CDK12: variants seen among roughly 807,000 people sequenced by gnomAD.
CDK12 encodes the protein cyclin dependent kinase 12, also known as cyclin-dependent kinase 12.
Under a neutral mutation model 133.8 loss-of-function variants are expected in CDK12, and 17 were observed. The ratio of observed to expected loss-of-function variants is 0.13; its 90% confidence interval spans 0.09 to 0.19. The LOEUF (loss-of-function observed/expected upper bound fraction) is 0.19, where lower values mean the gene tolerates loss of function less well. Ranked by LOEUF, CDK12 falls within the 10% of genes least tolerant of loss-of-function variation. CDK12 has a pLI of 1.00. For missense variants in CDK12, 1,508 were observed against 1,818.7 expected (o/e 0.83, Z 3.11); for synonymous variants, 694 against 683.6 (o/e 1.02, Z -0.24).
At chr17:39,515,057 A>G (rs2053715362) in intron 8 of CDK12, among the ~76,000 whole-genome samples, 1 of 152,108 alleles carries the variant, frequency 6.6e-6, no homozygotes, top group Non-Finnish European at 1.5e-5. Flanking sequence ...TTAAAAATAC[A>G]AAAAAATTAG....
intron 1 of CDK12, among the ~76,000 whole-genome samples, chr17:39,467,016 G>T (rs1252748241): frequency 1.3e-5 from 2 of 151,740 alleles, no homozygotes; most frequent in African/African-American, 2.4e-5. Flanking sequence ...CAGAGTTTCT[G>T]TCGCCAGGCT....
At chr17:39,567,339 A>G (rs1006273763), downstream of CDK12, 22 of 152,204 alleles carry the variant, frequency 1.4e-4, no homozygotes, top group Non-Finnish European at 2.8e-4. Context: ...ATGGTACTAT[A>G]TATCATTCCT....
At chr17:39,488,058 A>G (rs924236898) in intron 2 of CDK12, among the ~76,000 whole-genome samples, 2 of 151,998 alleles carry the variant, frequency 1.3e-5, no homozygotes, top group African/African-American at 4.8e-5. Flanking sequence ...ATATGGCAAG[A>G]CCTTGTCTCT....
At chr17:39,493,030 C>T (rs2051761784) in intron 4 of CDK12, 140 bp downstream of exon 4, 1 of 722,290 alleles carries the variant, frequency 1.4e-6, no homozygotes, top group Non-Finnish European at 2.2e-6. Flanking sequence ...TGGAGTCTTG[C>T]TCCCCAGGCT....
chr17:39,545,589 C>G (rs998320482), upstream of CDK12, among the ~76,000 whole-genome samples: 1 of 150,508 alleles, frequency 6.6e-6, no homozygotes, highest in African/African-American at 2.5e-5. Flanking sequence ...GCCTCTGCCT[C>G]CCAGGTTCAA....
intron 10 of CDK12, among the ~76,000 whole-genome samples, chr17:39,518,880 C>T (rs1280166936): frequency 6.6e-6 from 1 of 152,012 alleles, no homozygotes; most frequent in Non-Finnish European, 1.5e-5. Flanking sequence ...ATATTTTTTA[C>T]TTGTGTTATA....
rs2054838852 is a variant in CDK12 at position 39,531,408 on chromosome 17, G to A, written c.*92G>A. 1 of 1,248,506 alleles carries A rather than the reference G, an allele frequency of 8.0e-7. No individual in the cohort carries two copies. Among genetic ancestry groups the A allele is most frequent in the South Asian group, 2.7e-5 (1 of 36,786 alleles). The allele number at this position is 1,248,506 out of a possible 1,614,324, so 77.3% of individuals were successfully genotyped here. The stretch of plus-strand genomic sequence containing the variant: ...TTAATGAAATCATTTGCCAGAGCGA[G>A]GTAATCATCTGCATTTGGCTACTGC... On this transcript the variant is annotated 3_prime_UTR_variant, in exon 14 of 14. Transcript: ENST00000447079.
At chr17:39,466,078 C>A (rs919024850) in intron 1 of CDK12, among the ~76,000 whole-genome samples, 1 of 151,624 alleles carries the variant, frequency 6.6e-6, no homozygotes, top group Non-Finnish European at 1.5e-5. Flanking sequence ...GAGGCCAAGG[C>A]GGGCAGATCT....
At chr17:39,464,596 A>C (rs1177575039) in intron 1 of CDK12, among the ~76,000 whole-genome samples, 3 of 151,872 alleles carry the variant, frequency 2.0e-5, no homozygotes, top group African/African-American at 7.3e-5. Flanking sequence ...AAATGGTGTG[A>C]GTACATCAAG....
chr17:39,530,806 G>A lies in CDK12; in HGVS notation c.3963G>A (p.Gln1321=). 1.2e-6 allele frequency: 2 copies of A among 1,614,174 alleles called. No homozygotes were observed. Among genetic ancestry groups the A allele is most frequent in the Non-Finnish European group, 1.7e-6 (2 of 1,180,050 alleles). Residue 1321 remains glutamine, a synonymous_variant, in exon 14 of 14, where the codon CAG becomes CAA. Transcript: ENST00000447079. ...CTGGCCACCTGCCACATGAGCACCAGGCCTTGAGACCAATGGAGTACTCCA... is the reference window on the plus strand; with the variant it reads ...CTGGCCACCTGCCACATGAGCACCAAGCCTTGAGACCAATGGAGTACTCCA... ...EPPGHLPHEH[Q]ALRPMEYSTR...
At chr17:39,484,920 C>T (rs1218351797) in intron 2 of CDK12, among the ~76,000 whole-genome samples, 1 of 152,082 alleles carries the variant, frequency 6.6e-6, no homozygotes, top group Non-Finnish European at 1.5e-5. Context: ...CCTGTAATCC[C>T]AGAACTTTGG....
intron 1 of CDK12, among the ~76,000 whole-genome samples, chr17:39,541,437 G>A (rs556505184): frequency 1.4e-5 from 2 of 147,918 alleles, no homozygotes; most frequent in South Asian, 2.1e-4. Flanking sequence ...GCGCGATCTC[G>A]GCTCACTGCA....
At chr17:39,467,989 G>A (rs1046038574) in intron 1 of CDK12, among the ~76,000 whole-genome samples, 3 of 151,902 alleles carry the variant, frequency 2.0e-5, no homozygotes, top group Admixed American at 6.6e-5. Context: ...CGCCTCCCGG[G>A]TTCAAGCAAT....
downstream of CDK12, among the ~76,000 whole-genome samples, chr17:39,565,183 G>A (rs369487467): frequency 8.4e-4 from 128 of 151,930 alleles, 1 homozygote; most frequent in African/African-American, 2.9e-3. Flanking sequence ...GTGTAATCTC[G>A]GCTCACTGCA....
intron 13 of CDK12, among the ~76,000 whole-genome samples, chr17:39,529,059 C>T (rs1404049721): frequency 6.6e-6 from 1 of 152,164 alleles, no homozygotes; most frequent in Non-Finnish European, 1.5e-5. Flanking sequence ...ACCCTGTCAA[C>T]CAGCCAATCA....
intron 11 of CDK12, among the ~76,000 whole-genome samples, chr17:39,520,838 T>A (rs2054119512): frequency 6.6e-6 from 1 of 152,064 alleles, no homozygotes; most frequent in African/African-American, 2.4e-5. Flanking sequence ...TTTTTTTGTA[T>A]TTTTGTTTCA....
intron 3 of CDK12, chr17:39,564,757 T>G (rs1242111797): frequency 2.0e-5 from 3 of 152,220 alleles, no homozygotes; most frequent in Admixed American, 2.0e-4. Flanking sequence ...TGGGTTCCCT[T>G]AGCACCTGCC....
At chr17:39,486,985 G>A (rs1281194078) in intron 2 of CDK12, among the ~76,000 whole-genome samples, 2 of 152,118 alleles carry the variant, frequency 1.3e-5, no homozygotes, top group African/African-American at 2.4e-5. Flanking sequence ...TCCAACCTGG[G>A]CAATAGAGGG....
chr17:39,504,173 T>TG (rs1326164636), intron 6 of CDK12, among the ~76,000 whole-genome samples: 2 of 152,232 alleles, frequency 1.3e-5, no homozygotes, highest in African/African-American at 4.8e-5. Flanking sequence ...ACAAGGAAGA[T>TG]GGAAGAGTAG....
Sources: allele counts gnomAD v4.1 joint callset (sites outside exome capture counted in the v4.1 genomes callset), GRCh38; gene constraint gnomAD v4.1.1; transcripts MANE v1.5; gene names NCBI Gene and HGNC (gene_info 2026-07-23, HGNC 2026-07-21).